Variants in CSMD1 observed in about 807,000 individuals in gnomAD.
CSMD1 encodes the protein CUB and sushi domain-containing protein 1.
CSMD1 carries 213 observed loss-of-function variants against 417.5 expected under a neutral mutation model. The observed-to-expected ratio is 0.51, with a 90% CI of 0.46 to 0.57. CSMD1 has a LOEUF of 0.57. Among genes scored for constraint, CSMD1 ranks in the 20% least tolerant of loss-of-function variants. The probability of loss-of-function intolerance (pLI) is 0.00; values close to 1 mark genes in which losing one functional copy is unlikely to be tolerated. For missense variants in CSMD1, 6,923 were observed against 4,529.7 expected, an observed-to-expected ratio of 1.53 and a Z score of -15.17; for synonymous variants, 2,862 against 1,736.8, an observed-to-expected ratio of 1.65 and a Z score of -16.11.
chr8:3,888,397 AT>A (rs1806710462), intron 5 of CSMD1, among the ~76,000 whole-genome samples: 1 of 152,202 alleles, frequency 6.6e-6, no homozygotes, highest in African/African-American at 2.4e-5. Context: ...AGCCTATTTC[AT>A]TCTATACGGA....
chr8:4,770,795 A>G (rs1312047965), intron 1 of CSMD1, among the ~76,000 whole-genome samples: 1 of 152,162 alleles, frequency 6.6e-6, no homozygotes, highest in Non-Finnish European at 1.5e-5. Flanking sequence ...TATACCATAC[A>G]TAAAAATCAA....
At chr8:4,292,054 C>A (rs1043958202) in intron 3 of CSMD1, among the ~76,000 whole-genome samples, 2 of 152,034 alleles carry the variant, frequency 1.3e-5, no homozygotes, top group Non-Finnish European at 2.9e-5. Context: ...GAGGTTTGGA[C>A]ACTTGATCAT....
chr8:4,287,142 G>C (rs1051857500), intron 3 of CSMD1, among the ~76,000 whole-genome samples: 3 of 152,186 alleles, frequency 2.0e-5, no homozygotes, highest in Non-Finnish European at 4.4e-5. Context: ...GTCTGTTAAT[G>C]TGGAACTATG....
chr8:4,406,777 T>C (rs1345913394), intron 3 of CSMD1, among the ~76,000 whole-genome samples: 1 of 152,166 alleles, frequency 6.6e-6, no homozygotes, highest in Non-Finnish European at 1.5e-5. Flanking sequence ...TTACTAGAAC[T>C]CCTGAGTCAT....
intron 1 of CSMD1, among the ~76,000 whole-genome samples, chr8:4,933,118 G>A (rs1409353118): frequency 2.0e-5 from 3 of 152,050 alleles, no homozygotes; most frequent in Non-Finnish European, 2.9e-5. Flanking sequence ...TACTTGTATG[G>A]ATATGTTCTC....
rs1192925424 is a variant in CSMD1, at chr8:4,213,357, C to CA, written c.416-181259dup. 8.6e-5 allele frequency among the ~76,000 whole-genome samples: 13 copies of CA among 151,856 alleles called. No individual in the cohort carries two copies. In the East Asian group the frequency reaches 9.7e-4, roughly 11 times the overall value. On this transcript the variant is annotated intron_variant, in intron 3 of 69. Transcript: ENST00000635120. Reference sequence around the variant, plus strand: ...CAGAGAGTTTCTCAAGGGCCGTGCACAAAAAAAGGCTATTCTTTGAAATTT... The same window carrying CA: ...CAGAGAGTTTCTCAAGGGCCGTGCACAAAAAAAAGGCTATTCTTTGAAATTT...
intron 3 of CSMD1, among the ~76,000 whole-genome samples, chr8:4,076,821 G>A (rs968816684): frequency 6.6e-6 from 1 of 152,106 alleles, no homozygotes; most frequent in Non-Finnish European, 1.5e-5. Context: ...GGCCAGCCAT[G>A]CCTTTGCTTT....
At chr8:3,851,674 G>C (rs994095249) in intron 5 of CSMD1, among the ~76,000 whole-genome samples, 5 of 152,038 alleles carry the variant, frequency 3.3e-5, no homozygotes, top group African/African-American at 1.2e-4. Flanking sequence ...ACAAAGAAAA[G>C]GGTGAATAGC....
chr8:3,055,241 A>T (rs1419939720), intron 49 of CSMD1, among the ~76,000 whole-genome samples: 1 of 152,158 alleles, frequency 6.6e-6, no homozygotes, highest in Non-Finnish European at 1.5e-5. Flanking sequence ...CTTCTGTTAC[A>T]TCTGGATGCT....
At chr8:3,281,544 C>A (rs1802738764) in intron 26 of CSMD1, among the ~76,000 whole-genome samples, 1 of 152,130 alleles carries the variant, frequency 6.6e-6, no homozygotes, top group Admixed American at 6.5e-5. Context: ...AGACCTGGAG[C>A]TTGAAAGTGT....
intron 1 of CSMD1, among the ~76,000 whole-genome samples, chr8:4,683,689 T>G (rs920874076): frequency 7.2e-5 from 11 of 152,330 alleles, no homozygotes; most frequent in African/African-American, 2.6e-4. Flanking sequence ...TGGCTCTGTT[T>G]CCTTGGGGTC....
At chr8:3,097,058 A>G (rs1419518808) in intron 46 of CSMD1, 21 bp from the exon 47 acceptor site, 1 of 1,494,598 alleles carries the variant, frequency 6.7e-7, no homozygotes, top group East Asian at 2.5e-5. Flanking sequence ...AAGTACCAGC[A>G]AAAGTTTGCT....
At chr8:3,344,765 G>A (rs907929865) in intron 22 of CSMD1, among the ~76,000 whole-genome samples, 1 of 152,072 alleles carries the variant, frequency 6.6e-6, no homozygotes, top group East Asian at 1.9e-4. Flanking sequence ...TAAACCCAGG[G>A]ATGTACACAG....
chr8:3,853,898 A>AAT, intron 5 of CSMD1, among the ~76,000 whole-genome samples: 1 of 146,372 alleles, frequency 6.8e-6, no homozygotes, highest in African/African-American at 2.5e-5. Flanking sequence ...ATTATACTTT[A>AAT]ATATATTAAT....
intron 10 of CSMD1, among the ~76,000 whole-genome samples, chr8:3,534,922 G>A (rs1034326351): frequency 6.6e-6 from 1 of 152,122 alleles, no homozygotes; most frequent in Non-Finnish European, 1.5e-5. Flanking sequence ...GTAAAAGATA[G>A]CCAGGGTTAC....
chr8:3,476,005 C>A (rs1288052174), intron 11 of CSMD1, among the ~76,000 whole-genome samples: 1 of 152,182 alleles, frequency 6.6e-6, no homozygotes, highest in African/African-American at 2.4e-5. Flanking sequence ...TCCCTTTGCA[C>A]CTTGCTAAAT....
intron 5 of CSMD1, among the ~76,000 whole-genome samples, chr8:3,863,376 A>C (rs1804855299): frequency 6.7e-6 from 1 of 149,424 alleles, no homozygotes; most frequent in Non-Finnish European, 1.5e-5. Context: ...AGCCTAGGCT[A>C]CAGCAATGAT....
chr8:3,309,540 G>A (rs918539101), intron 23 of CSMD1, among the ~76,000 whole-genome samples: 1 of 152,086 alleles, frequency 6.6e-6, no homozygotes, highest in Non-Finnish European at 1.5e-5. Flanking sequence ...TTTATGTGAG[G>A]CAATATTTTA....
intron 3 of CSMD1, among the ~76,000 whole-genome samples, chr8:4,284,084 T>A (rs1796931358): frequency 6.6e-6 from 1 of 152,034 alleles, no homozygotes; most frequent in South Asian, 2.1e-4. Flanking sequence ...AATACAAAAA[T>A]TAGCTAGGCA....
Sources: gnomAD v4.1 joint callset for allele counts (sites outside exome capture counted in the v4.1 genomes callset) on GRCh38, gnomAD v4.1.1 for gene constraint, MANE v1.5 for transcripts, NCBI Gene and HGNC (gene_info 2026-07-23, HGNC 2026-07-21) for gene names.